Variants in GPR39 observed in about 807,000 individuals in gnomAD.
GPR39 encodes G protein-coupled receptor 39.
GPR39 carries 23 observed loss-of-function variants against 18.4 expected under a neutral mutation model. That is an observed-to-expected ratio of 1.25 (90% CI 0.90 to 1.77). The LOEUF is 1.77. GPR39 is among the 40% of genes most tolerant of loss of function. The probability of loss-of-function intolerance (pLI) is 0.00; values close to 1 mark genes in which losing one functional copy is unlikely to be tolerated. For missense variants in GPR39, 647 were observed against 602.4 expected (o/e 1.07, Z -0.78); for synonymous variants, 280 against 257.9 (o/e 1.09, Z -0.82).
At chr2:132,548,439 C>G (rs1679986174) in intron 1 of GPR39, among the ~76,000 whole-genome samples, 1 of 152,222 alleles carries the variant, frequency 6.6e-6, no homozygotes, top group Admixed American at 6.5e-5. Flanking sequence ...TCCATCTACG[C>G]TGGCAGTTAG....
At chr2:132,530,714 A>C (rs994972991) in intron 1 of GPR39, among the ~76,000 whole-genome samples, 1 of 152,234 alleles carries the variant, frequency 6.6e-6, no homozygotes, top group Non-Finnish European at 1.5e-5. Flanking sequence ...TTCTTAAAGA[A>C]AAGAATTTCC....
Position 132,645,357 on chromosome 2 carries a change from G to A in GPR39, c.1113G>A (p.Glu371=). 1.2e-6 allele frequency: 2 copies of A among 1,614,070 alleles called. No individual in the cohort carries two copies. The highest frequency in any genetic ancestry group is 1.7e-6 in the Non-Finnish European group (2 of 1,180,036). Residue 371 remains glutamate (E), a synonymous_variant, in exon 2 of 2, where the codon GAG becomes GAA. Transcript: ENST00000329321. ...TGTCGCTGCAGCACGCCAACCACGA[G>A]AAGCGCCTGCGCGTACATGCGCACT... ...CRLSLQHANH[E]KRLRVHAHST...
chr2:132,439,110 C>T (rs191982359), intron 1 of GPR39, among the ~76,000 whole-genome samples: 81 of 152,258 alleles, frequency 5.3e-4, no homozygotes, highest in Non-Finnish European at 7.5e-4. Flanking sequence ...ATCACAAACA[C>T]GATTTCTCTT....
intron 1 of GPR39, among the ~76,000 whole-genome samples, chr2:132,594,670 G>GTTTTCACC (rs1446522225): frequency 6.6e-6 from 1 of 151,882 alleles, no homozygotes; most frequent in Admixed American, 6.6e-5. Context: ...AATAGCATCA[G>GTTTTCACC]TTTTCACCTT....
intron 1 of GPR39, among the ~76,000 whole-genome samples, chr2:132,534,865 G>A (rs1019849574): frequency 6.6e-6 from 1 of 152,004 alleles, no homozygotes; most frequent in Non-Finnish European, 1.5e-5. Context: ...GGGAGGGTTA[G>A]CATTAGGAGA....
chr2:132,567,807 T>C (rs2104810754), intron 1 of GPR39, among the ~76,000 whole-genome samples: 1 of 152,036 alleles, frequency 6.6e-6, no homozygotes, highest in East Asian at 1.9e-4. Flanking sequence ...CTCACCATCG[T>C]TTAATTGGTC....
chr2:132,601,386 G>GA (rs1467027292), intron 1 of GPR39, among the ~76,000 whole-genome samples: 2 of 152,036 alleles, frequency 1.3e-5, no homozygotes, highest in African/African-American at 2.4e-5. Flanking sequence ...AATAGATGCA[G>GA]AAAAAGTATT....
intron 1 of GPR39, among the ~76,000 whole-genome samples, chr2:132,441,880 G>A (rs1305497664): frequency 2.6e-5 from 4 of 152,156 alleles, no homozygotes; most frequent in Non-Finnish European, 4.4e-5. Flanking sequence ...AGATCTTGCC[G>A]TGTGCTTGCA....
intron 1 of GPR39, among the ~76,000 whole-genome samples, chr2:132,435,803 A>AT (rs1482661444): frequency 2.0e-5 from 3 of 152,212 alleles, no homozygotes; most frequent in Non-Finnish European, 4.4e-5. Flanking sequence ...AAAAGTCCCC[A>AT]TAGACATAAG....
At chr2:132,530,671 A>C (rs1679600732) in intron 1 of GPR39, among the ~76,000 whole-genome samples, 1 of 152,244 alleles carries the variant, frequency 6.6e-6, no homozygotes, top group African/African-American at 2.4e-5. Context: ...GAAACTCTAC[A>C]AGCCAGAAGA....
intron 1 of GPR39, among the ~76,000 whole-genome samples, chr2:132,502,035 A>C (rs1273521084): frequency 6.6e-6 from 1 of 152,166 alleles, no homozygotes; most frequent in African/African-American, 2.4e-5. Context: ...TCATTCTGCC[A>C]TCTTGTATCT....
chr2:132,550,027 T>TC (rs1558836009), intron 1 of GPR39, among the ~76,000 whole-genome samples: 1 of 151,664 alleles, frequency 6.6e-6, no homozygotes, highest in Non-Finnish European at 1.5e-5. Context: ...GACAGAGTAT[T>TC]CTGAAAGCCC....
intron 1 of GPR39, among the ~76,000 whole-genome samples, chr2:132,502,879 T>G (rs1455443863): frequency 6.6e-6 from 1 of 152,202 alleles, no homozygotes; most frequent in Non-Finnish European, 1.5e-5. Flanking sequence ...TCTAGTGCAT[T>G]TTTTATTTCT....
At position 132,417,598 on chromosome 2, in the gene GPR39, C is replaced by T. The variant is rs559333252; in HGVS notation, c.556C>T (p.His186Tyr). ...TEYPLVNVPSHRGLTCNRSST... is the reference protein window; with the variant it reads ...TEYPLVNVPSYRGLTCNRSST... ...GTACCCCCTGGTGAACGTGCCCAGC[C>T]ACCGGGGTCTCACTTGCAACCGCTC... The change falls in exon 1 of 2, where the codon CAC becomes TAC. Residue 186 changes from histidine to tyrosine, a missense_variant. Transcript: ENST00000329321. 6.2e-5 allele frequency: 100 copies of T among 1,614,128 alleles called. No individual in the cohort carries two copies. The highest frequency in any genetic ancestry group is 8.1e-5 in the Non-Finnish European group (96 of 1,180,032).
At chr2:132,631,128 GC>G (rs1443065941) in intron 1 of GPR39, among the ~76,000 whole-genome samples, 5 of 152,186 alleles carry the variant, frequency 3.3e-5, no homozygotes, top group African/African-American at 4.8e-5. Context: ...GCTGAGGGCA[GC>G]TCCTGGAGGT....
chr2:132,544,028 G>A (rs995259020), intron 1 of GPR39, among the ~76,000 whole-genome samples: 5 of 152,210 alleles, frequency 3.3e-5, no homozygotes, highest in African/African-American at 1.2e-4. Flanking sequence ...ATTTAGAACA[G>A]AGAATGGCAG....
At chr2:132,615,965 A>C (rs576849648) in intron 1 of GPR39, among the ~76,000 whole-genome samples, 1 of 110,172 alleles carries the variant, frequency 9.1e-6, no homozygotes, top group African/African-American at 3.4e-5. Flanking sequence ...GGACCCAGTT[A>C]TTTTAAGCAA....
Position 132,585,563 on chromosome 2 carries a change from G to A in GPR39, c.857-59538G>A, listed in dbSNP as rs574731527. Among the ~76,000 whole-genome samples the A allele has an allele frequency of 2.6e-5, 4 of 152,308 alleles. No individual in the cohort carries two copies. The East Asian group carries it at 5.8e-4, about 22-fold the overall frequency. ...TCTGCGCGCATCTGTGTGTGCGGAC[G>A]GGGCCTGGACTTCGAACCGCCGGCG... On this transcript the variant is annotated intron_variant, in intron 1 of 1. Coordinates refer to ENST00000329321, the MANE Select transcript of GPR39 (RefSeq NM_001508.3).
At chr2:132,520,818 AAGGCTCTTCC>A (rs1355349788) in intron 1 of GPR39, among the ~76,000 whole-genome samples, 108 of 152,212 alleles carry the variant, frequency 7.1e-4, no homozygotes, top group African/African-American at 2.4e-3. Context: ...TACCTGGACC[AAGGCTCTTCC>A]AGCCCAGCCT....
Sources: gnomAD v4.1 joint callset for allele counts (sites outside exome capture counted in the v4.1 genomes callset) on GRCh38, gnomAD v4.1.1 for gene constraint, MANE v1.5 for transcripts, NCBI Gene and HGNC (gene_info 2026-07-23, HGNC 2026-07-21) for gene names.